ZC3H7B: variants seen among roughly 807,000 people sequenced by gnomAD.
ZC3H7B encodes the protein zinc finger CCCH domain-containing protein 7B.
ZC3H7B carries 35 observed loss-of-function variants against 116.0 expected under a neutral mutation model. The ratio of observed to expected loss-of-function variants is 0.30; its 90% confidence interval spans 0.23 to 0.40. The LOEUF is 0.40. Among genes scored for constraint, ZC3H7B ranks in the 10% least tolerant of loss-of-function variants. The pLI is 1.00. For synonymous variants in ZC3H7B, 502 were observed against 545.6 expected, an observed-to-expected ratio of 0.92 and a Z score of 1.11; for missense variants, 1,011 against 1,321.5, an observed-to-expected ratio of 0.77 and a Z score of 3.64.
intron 9 of ZC3H7B, 120 bp from the exon 10 acceptor site, chr22:41,339,696 T>C: frequency 2.3e-6 from 2 of 875,610 alleles, no homozygotes; most frequent in East Asian, 2.5e-5. Context: ...TGCTCCCACA[T>C]GGGACAGGAT....
chr22:41,355,610 G>A lies in ZC3H7B; in HGVS notation c.2168+8G>A. ...TGCCAAGGCCCGGCACTGGTGAGTG[G>A]GATGCCAGGTGGGGGCTCAGGTGGG... is the stretch of plus-strand genomic sequence containing the variant. On this transcript the variant is annotated splice_region_variant and intron_variant, in intron 18 of 22. Coordinates refer to ENST00000352645, the MANE Select transcript of ZC3H7B (RefSeq NM_017590.6). 6.2e-7 allele frequency: 1 copy of A among 1,614,030 alleles called. No individual in the cohort carries two copies. Among genetic ancestry groups the A allele is most frequent in the Admixed American group, 1.7e-5 (1 of 60,010 alleles).
rs1237211689 is a variant in ZC3H7B, at chr22:41,356,811, G to A, written c.2681+3G>A. The A allele has an allele frequency of 6.2e-7, 1 of 1,613,188 alleles. No individual in the cohort carries two copies. The highest frequency in any genetic ancestry group is 2.2e-5 in the East Asian group (1 of 44,886). On this transcript the variant is annotated splice_donor_region_variant and intron_variant, in intron 22 of 22. Coordinates refer to ENST00000352645, the MANE Select transcript of ZC3H7B (RefSeq NM_017590.6). Reference sequence around the variant, plus strand: ...GGCGAGTTCCGGCTCTGCGACAGGTGCTCCTGGGAGGGCAGGGCCTGGCGG... The same window carrying A: ...GGCGAGTTCCGGCTCTGCGACAGGTACTCCTGGGAGGGCAGGGCCTGGCGG...
intron 6 of ZC3H7B, 118 bp from the exon 7 acceptor site, chr22:41,332,053 G>A (rs573836031): frequency 1.9e-5 from 20 of 1,039,246 alleles, no homozygotes; most frequent in South Asian, 8.6e-5. Context: ...AGGGACTCTC[G>A]GGGGCGCTGC....
Position 41,338,952 on chromosome 22 carries a change from C to G in ZC3H7B, c.626-49C>G, listed in dbSNP as rs990252719. ...CACGGGGCCCGGGACGCCTCCTCCA[C>G]CCTCACCAAGCAGTGCTCCCCTTCG... On this transcript the variant is annotated intron_variant, in intron 8 of 22. Coordinates refer to ENST00000352645, the MANE Select transcript of ZC3H7B (RefSeq NM_017590.6). The surrounding 1 kb of genome is among the most constrained non-coding windows in gnomAD (Gnocchi z 4.5). The G allele has an allele frequency of 2.7e-6, 4 of 1,484,620 alleles. No homozygotes were observed. In the Admixed American group the frequency reaches 6.6e-5, roughly 25 times the overall value. The allele number at this position is 1,484,620 out of a possible 1,614,324, so 92.0% of individuals were successfully genotyped here. A position where few individuals can be genotyped will look rare whatever the true frequency, so the allele number is the denominator to read the frequency against.
At position 41,343,526 on chromosome 22, in the gene ZC3H7B, G is replaced by A; in HGVS notation, c.1409G>A (p.Arg470Gln). 6.2e-7 allele frequency: 1 copy of A among 1,613,112 alleles called. No homozygotes were observed. Among genetic ancestry groups the A allele is most frequent in the Non-Finnish European group, 8.5e-7 (1 of 1,179,614 alleles). Residue 470 changes from arginine (R) to glutamine (Q), a missense_variant, in exon 13 of 23, where the codon CGG becomes CAG. Physicochemically the swap from Arg to Gln is conservative, Grantham distance 43 (BLOSUM62 1). This residue lies in a region of ZC3H7B where 179 missense variants were observed against 178.5 expected (regional missense o/e 1.00). Coordinates refer to ENST00000352645, the MANE Select transcript of ZC3H7B (RefSeq NM_017590.6). ...SSEDQTWKRI[R>Q]PRPTKTSFVG... Reference sequence around the variant, plus strand: ...GAGGACCAGACCTGGAAGCGGATCCGGCCCCGGCCCACTAAGACCAGCTTC... The same window carrying A: ...GAGGACCAGACCTGGAAGCGGATCCAGCCCCGGCCCACTAAGACCAGCTTC...
chr22:41,353,095 GA>G (rs890209014), intron 17 of ZC3H7B, among the ~76,000 whole-genome samples: 116 of 151,450 alleles, frequency 7.7e-4, no homozygotes, highest in African/African-American at 2.7e-3. Flanking sequence ...AAAAAAAGAA[GA>G]AAAAAAGGTC....
chr22:41,351,971 C>T lies in ZC3H7B; in HGVS notation c.2034+325C>T, dbSNP rs941611345. On this transcript the variant is annotated intron_variant, in intron 17 of 22. Coordinates refer to ENST00000352645, the MANE Select transcript of ZC3H7B (RefSeq NM_017590.6). The surrounding 1 kb of genome is among the most constrained non-coding windows in gnomAD (Gnocchi z 5.1). The stretch of plus-strand genomic sequence containing the variant: ...CTGAGTAGCTGGGATTACAGGCATG[C>T]ACCACCACACCTGGCTGATTTGTCT... Among the ~76,000 whole-genome samples, 6 of 152,104 alleles carry T rather than the reference C, an allele frequency of 3.9e-5. No individual in the cohort carries two copies. Among genetic ancestry groups the T allele is most frequent in the Non-Finnish European group, 5.9e-5 (4 of 68,000 alleles).
intron 2 of ZC3H7B, among the ~76,000 whole-genome samples, chr22:41,321,049 A>T (rs755715733): frequency 6.6e-6 from 1 of 152,052 alleles, no homozygotes; most frequent in African/African-American, 2.4e-5. Flanking sequence ...TTACAATCTC[A>T]GTCTCCGTGC....
chr22:41,341,752 A>G (rs1319235223), intron 11 of ZC3H7B, among the ~76,000 whole-genome samples: 1 of 150,890 alleles, frequency 6.6e-6, no homozygotes, highest in Non-Finnish European at 1.5e-5. Flanking sequence ...CAAAAAAAAG[A>G]AAATAATAAT....
chr22:41,303,895 C>T (rs2036006463), intron 1 of ZC3H7B, among the ~76,000 whole-genome samples: 1 of 151,614 alleles, frequency 6.6e-6, no homozygotes, highest in South Asian at 2.1e-4. Flanking sequence ...GTAGCTGGGA[C>T]TACAGGCTCC....
chr22:41,332,297 G>A (rs779939515), intron 7 of ZC3H7B, 70 bp downstream of exon 7: 4 of 1,590,258 alleles, frequency 2.5e-6, no homozygotes, highest in Middle Eastern at 1.7e-4. Flanking sequence ...CTCTCTCCGG[G>A]TATAAATGAC....
Position 41,351,458 on chromosome 22 carries a change from C to T in ZC3H7B, c.1949-103C>T, listed in dbSNP as rs1410345491. On this transcript the variant is annotated intron_variant, in intron 16 of 22. Coordinates refer to ENST00000352645, the MANE Select transcript of ZC3H7B (RefSeq NM_017590.6). This position sits in a 1 kb window ranked among gnomAD's most constrained non-coding sequence, Gnocchi z 5.1. ...CTGTGGCTGGGCTGAGAATAGGGCT[C>T]CTCCAGCTGGGCCTCGGGGGTCCCT... The T allele has an allele frequency of 1.0e-6, 1 of 986,844 alleles. No individual in the cohort carries two copies. The highest frequency in any genetic ancestry group is 1.5e-6 in the Non-Finnish European group (1 of 664,248). 61.1% of individuals were successfully genotyped at this position (986,844 alleles called of 1,614,324 possible).
intron 1 of ZC3H7B, among the ~76,000 whole-genome samples, chr22:41,308,705 GAC>G (rs1323942078): frequency 3.3e-5 from 5 of 152,284 alleles, no homozygotes; most frequent in South Asian, 4.1e-4. Flanking sequence ...GCAGTTTCCT[GAC>G]ACACGCAAAA....
intron 14 of ZC3H7B, among the ~76,000 whole-genome samples, chr22:41,347,677 T>C (rs1453026742): frequency 6.6e-6 from 1 of 151,930 alleles, no homozygotes; most frequent in Non-Finnish European, 1.5e-5. Flanking sequence ...CCCCTAGCTC[T>C]TCCAGGTCGG....
Position 41,357,223 on chromosome 22 carries a change from G to A in ZC3H7B, c.2728G>A (p.Ala910Thr), listed in dbSNP as rs751867953. 6.2e-7 allele frequency: 1 copy of A among 1,613,696 alleles called. No homozygotes were observed. Among genetic ancestry groups the A allele is most frequent in the Non-Finnish European group, 8.5e-7 (1 of 1,179,918 alleles). The change falls in exon 23 of 23, where the codon GCC becomes ACC. Residue 910 changes from alanine to threonine, a missense_variant. By Grantham distance (58) the Ala-to-Thr change is moderately conservative. Around this residue, in one of 5 missense-constraint regions of ZC3H7B, gnomAD observed 406 missense variants for 590.2 expected, o/e 0.69. Coordinates refer to ENST00000352645, the MANE Select transcript of ZC3H7B (RefSeq NM_017590.6). This position sits in a 1 kb window ranked among gnomAD's most constrained non-coding sequence, Gnocchi z 5.4. ...ACPDGDKCRC[A>T]HGQEELNEWL... ...CCCAGATGGGGACAAGTGCCGCTGCGCCCATGGACAGGAGGAGCTCAACGA... is the reference window on the plus strand; with the variant it reads ...CCCAGATGGGGACAAGTGCCGCTGCACCCATGGACAGGAGGAGCTCAACGA...
rs145501187 is a variant in ZC3H7B, at chr22:41,322,540, T to C, written c.53+1827T>C. ...TTTTTTACACACAAAATATTTTGAG[T>C]AACCTTTTTCTCTTATTGCTCTTAA... is the stretch of plus-strand genomic sequence containing the variant. On this transcript the variant is annotated intron_variant, in intron 2 of 22. Transcript: ENST00000352645. Among the ~76,000 whole-genome samples, 719 of 152,056 alleles carry C rather than the reference T, an allele frequency of 4.7e-3. 7 individuals are homozygous for C. Among genetic ancestry groups the C allele is most frequent in the African/African-American group, 0.016 (671 of 41,462 alleles).
At chr22:41,317,988 G>C (rs2036206328) in intron 1 of ZC3H7B, among the ~76,000 whole-genome samples, 2 of 152,202 alleles carry the variant, frequency 1.3e-5, no homozygotes, top group African/African-American at 4.8e-5. Flanking sequence ...CCTGCCTGAT[G>C]GGGATGTTGT....
At position 41,327,393 on chromosome 22, in the gene ZC3H7B, G is replaced by A; in HGVS notation, c.444+29G>A. The A allele has an allele frequency of 6.2e-7, 1 of 1,602,310 alleles. No homozygotes were observed. The highest frequency in any genetic ancestry group is 8.5e-7 in the Non-Finnish European group (1 of 1,178,386). Reference sequence around the variant, plus strand: ...AGTGTGGCTCTGCAGCCACGCCGGTGCCTGCTCAGAGGCCAGGCTTCTGAC... The same window carrying A: ...AGTGTGGCTCTGCAGCCACGCCGGTACCTGCTCAGAGGCCAGGCTTCTGAC... On this transcript the variant is annotated intron_variant, in intron 5 of 22. Coordinates refer to ENST00000352645, the MANE Select transcript of ZC3H7B (RefSeq NM_017590.6). This position sits in a 1 kb window ranked among gnomAD's most constrained non-coding sequence, Gnocchi z 4.5.
chr22:41,330,385 GACACTGGC>G (rs1009879632), intron 6 of ZC3H7B, among the ~76,000 whole-genome samples: 1 of 152,260 alleles, frequency 6.6e-6, no homozygotes, highest in Non-Finnish European at 1.5e-5. Context: ...GGCCTGAGTT[GACACTGGC>G]GTCCTTCAGC....
Sources: allele counts gnomAD v4.1 joint callset (sites outside exome capture counted in the v4.1 genomes callset), GRCh38; gene constraint gnomAD v4.1.1; regional missense constraint gnomAD v4.1.1; non-coding constraint Gnocchi (gnomAD v3.1); transcripts MANE v1.5; gene names NCBI Gene and HGNC (gene_info 2026-07-23, HGNC 2026-07-21).